Variants in CCDC192 observed in about 807,000 individuals in gnomAD.
The protein encoded by CCDC192 is coiled-coil domain-containing protein 192.
At chr5:127,853,748 G>C (rs1423024142) in intron 5 of CCDC192, among the ~76,000 whole-genome samples, 1 of 152,118 alleles carries the variant, frequency 6.6e-6, no homozygotes, top group Non-Finnish European at 1.5e-5. Context: ...ACTTCAGCCT[G>C]GGTAACAGAG....
chr5:127,806,395 CA>C (rs1212153945), intron 5 of CCDC192, among the ~76,000 whole-genome samples: 1 of 152,070 alleles, frequency 6.6e-6, no homozygotes, highest in Non-Finnish European at 1.5e-5. Flanking sequence ...CCACCTGTAC[CA>C]ATTCCTGCCA....
intron 3 of CCDC192, among the ~76,000 whole-genome samples, chr5:127,796,605 A>G (rs1230158238): frequency 6.6e-6 from 1 of 152,214 alleles, no homozygotes; most frequent in Non-Finnish European, 1.5e-5. Flanking sequence ...CTTTGATCAG[A>G]CTTTAACTTG....
intron 5 of CCDC192, among the ~76,000 whole-genome samples, chr5:127,834,752 T>C (rs1035078160): frequency 3.3e-5 from 5 of 152,190 alleles, no homozygotes; most frequent in Non-Finnish European, 5.9e-5. Flanking sequence ...TTAAACTCTC[T>C]AGCGAATAGT....
intron 4 of CCDC192, among the ~76,000 whole-genome samples, chr5:127,797,682 A>T (rs1262710831): frequency 2.7e-5 from 4 of 147,108 alleles, no homozygotes; most frequent in African/African-American, 1.0e-4. Flanking sequence ...CCTCTTGTTC[A>T]ATCCAAAGGG....
chr5:127,725,787 A>G (rs1752285217), intron 2 of CCDC192, among the ~76,000 whole-genome samples: 1 of 152,218 alleles, frequency 6.6e-6, no homozygotes, highest in Non-Finnish European at 1.5e-5. Flanking sequence ...AGATGGAAAA[A>G]GAAAAAATAA....
intron 2 of CCDC192, among the ~76,000 whole-genome samples, chr5:127,753,802 T>C (rs966223531): frequency 6.6e-5 from 10 of 152,134 alleles, no homozygotes; most frequent in African/African-American, 2.4e-4. Flanking sequence ...AAACATGTGG[T>C]ATCTTTGCTT....
chr5:127,799,042 C>A (rs1757332090), intron 5 of CCDC192, among the ~76,000 whole-genome samples: 1 of 152,106 alleles, frequency 6.6e-6, no homozygotes, highest in Non-Finnish European at 1.5e-5. Context: ...TGATTGCCAT[C>A]CTTTTGGTCA....
At chr5:127,702,328 C>G (rs975174261), upstream of CCDC192, among the ~76,000 whole-genome samples, 1 of 151,422 alleles carries the variant, frequency 6.6e-6, no homozygotes, top group Admixed American at 6.6e-5. Flanking sequence ...CCCCAACAGG[C>G]TGCTAACTAC....
intron 4 of CCDC192, 72 bp downstream of exon 4, chr5:127,797,306 G>A (rs1232833757): frequency 1.0e-5 from 4 of 388,416 alleles, no homozygotes; most frequent in African/African-American, 2.1e-5. Flanking sequence ...ATCCTGGAAA[G>A]CCATTTCAGT....
chr5:127,710,667 C>T (rs1751272748), intron 2 of CCDC192, among the ~76,000 whole-genome samples: 1 of 152,132 alleles, frequency 6.6e-6, no homozygotes, highest in Non-Finnish European at 1.5e-5. Flanking sequence ...TTGAAATTCC[C>T]TGTCCCTCTG....
chr5:127,704,826 G>A (rs1277288846), intron 1 of CCDC192, among the ~76,000 whole-genome samples: 2 of 150,522 alleles, frequency 1.3e-5, no homozygotes, highest in African/African-American at 4.9e-5. Flanking sequence ...GCGACAGAGC[G>A]AAACTCCATC....
intron 5 of CCDC192, among the ~76,000 whole-genome samples, chr5:127,823,641 T>C (rs374667835): frequency 3.3e-5 from 5 of 152,164 alleles, no homozygotes; most frequent in East Asian, 3.8e-4. Context: ...TAAAAAACCA[T>C]TTAACAGGTG....
At chr5:127,737,967 G>T (rs1402253480) in intron 2 of CCDC192, among the ~76,000 whole-genome samples, 1 of 151,218 alleles carries the variant, frequency 6.6e-6, no homozygotes, top group Non-Finnish European at 1.5e-5. Flanking sequence ...ATTTGATCCT[G>T]TCATTATGAT....
chr5:127,806,423 GCCCC>G (rs1358402398), intron 5 of CCDC192, among the ~76,000 whole-genome samples: 1 of 151,682 alleles, frequency 6.6e-6, no homozygotes, highest in African/African-American at 2.4e-5. Flanking sequence ...CCACCCTACC[GCCCC>G]CAGCTACCGT....
intron 6 of CCDC192, among the ~76,000 whole-genome samples, chr5:127,929,809 C>T (rs1442968830): frequency 6.6e-6 from 1 of 152,132 alleles, no homozygotes; most frequent in African/African-American, 2.4e-5. Flanking sequence ...GTAGGCATTC[C>T]TTATTTCATA....
At chr5:127,856,443 G>T (rs1751101322) in intron 5 of CCDC192, among the ~76,000 whole-genome samples, 2 of 152,308 alleles carry the variant, frequency 1.3e-5, no homozygotes, top group South Asian at 4.1e-4. Context: ...CTCCATATCA[G>T]CAACAGGGTT....
At chr5:127,838,658 A>C (rs1263625114) in intron 5 of CCDC192, 1 of 152,188 alleles carries the variant, frequency 6.6e-6, no homozygotes, top group Non-Finnish European at 1.5e-5. Flanking sequence ...GGTTACTTGT[A>C]CATTTCACCT....
At chr5:127,738,797 C>G (rs966100199) in intron 2 of CCDC192, among the ~76,000 whole-genome samples, 1 of 152,190 alleles carries the variant, frequency 6.6e-6, no homozygotes, top group Admixed American at 6.5e-5. Context: ...TCTTTAAGCA[C>G]TTCTCTGTAT....
intron 3 of CCDC192, among the ~76,000 whole-genome samples, chr5:127,795,794 C>G (rs142828765): frequency 1.7e-3 from 264 of 152,136 alleles, no homozygotes; most frequent in African/African-American, 5.9e-3. Flanking sequence ...GATAAAGACA[C>G]TAGACTCCTT....
Sources: gnomAD v4.1 joint callset for allele counts (sites outside exome capture counted in the v4.1 genomes callset) on GRCh38, gnomAD v4.1.1 for gene constraint, MANE v1.5 for transcripts, NCBI Gene and HGNC (gene_info 2026-07-23, HGNC 2026-07-21) for gene names.